Variants in NXN observed in about 807,000 individuals in gnomAD.
NXN encodes the protein nucleoredoxin.
Under a neutral mutation model 48.6 loss-of-function variants are expected in NXN, and 16 were observed. The ratio of observed to expected loss-of-function variants is 0.33; its 90% confidence interval spans 0.22 to 0.50. NXN has a LOEUF of 0.50. NXN is among the 20% of genes least tolerant of loss of function. NXN has a pLI of 0.98. For synonymous variants in NXN, 281 were observed against 269.6 expected (o/e 1.04, Z -0.41); for missense variants, 492 against 605.5 (o/e 0.81, Z 1.97).
chr17:923,075 C>G (rs1294666743), intron 1 of NXN, among the ~76,000 whole-genome samples: 1 of 152,124 alleles, frequency 6.6e-6, no homozygotes, highest in African/African-American at 2.4e-5. Flanking sequence ...TTCTCCCGGA[C>G]TCTGTCTCCT....
chr17:868,641 A>G (rs750382625), intron 1 of NXN, among the ~76,000 whole-genome samples: 21 of 152,142 alleles, frequency 1.4e-4, no homozygotes, highest in South Asian at 8.3e-4. Flanking sequence ...ACAGGCGCCC[A>G]CCACCACGCC....
At chr17:808,208 G>T (rs554116525) in intron 5 of NXN, among the ~76,000 whole-genome samples, 1 of 152,260 alleles carries the variant, frequency 6.6e-6, no homozygotes, top group Admixed American at 6.5e-5. Context: ...CTCTGCTCCT[G>T]GGGGAGAAGG....
At chr17:852,871 T>C (rs7209004) in intron 1 of NXN, among the ~76,000 whole-genome samples, 34,873 of 152,120 alleles carry the variant, frequency 0.23, 4,694 homozygotes, top group African/African-American at 0.37. Context: ...TTCCCCAGGA[T>C]GCCTATTTCC....
At chr17:815,254 TC>T (rs1912402511) in intron 5 of NXN, among the ~76,000 whole-genome samples, 1 of 151,700 alleles carries the variant, frequency 6.6e-6, no homozygotes, top group Admixed American at 6.6e-5. Context: ...CCACTCTAGA[TC>T]CCTAAGCTCT....
chr17:886,031 G>C (rs916225679), intron 1 of NXN, among the ~76,000 whole-genome samples: 1 of 151,926 alleles, frequency 6.6e-6, no homozygotes, highest in Non-Finnish European at 1.5e-5. Flanking sequence ...CTAACCAAAG[G>C]CTCCAAACGC....
intron 1 of NXN, among the ~76,000 whole-genome samples, chr17:833,342 C>T (rs185289708): frequency 1.3e-5 from 2 of 152,262 alleles, no homozygotes; most frequent in East Asian, 3.9e-4. Flanking sequence ...GCACGGGAGT[C>T]ACCATTCCGA....
intron 5 of NXN, among the ~76,000 whole-genome samples, chr17:812,773 G>GGT (rs763182163): frequency 6.9e-6 from 1 of 145,550 alleles, no homozygotes; most frequent in Non-Finnish European, 1.5e-5. Context: ...TGTGAGTGTA[G>GGT]GTGTGTGCAT....
chr17:811,407 G>A (rs1911995761), intron 5 of NXN, among the ~76,000 whole-genome samples: 1 of 152,162 alleles, frequency 6.6e-6, no homozygotes, highest in Non-Finnish European at 1.5e-5. Context: ...TGCTAACGGG[G>A]TCTGTCTTCT....
intron 1 of NXN, among the ~76,000 whole-genome samples, chr17:910,453 A>T (rs2068625488): frequency 6.6e-6 from 1 of 152,074 alleles, no homozygotes; most frequent in Non-Finnish European, 1.5e-5. Context: ...TGGCATAGAC[A>T]GACAAAGTGT....
intron 5 of NXN, among the ~76,000 whole-genome samples, chr17:818,754 G>GGCA: frequency 6.6e-6 from 1 of 151,942 alleles, no homozygotes; most frequent in Non-Finnish European, 1.5e-5. Context: ...GGCGTGTGGT[G>GGCA]GGCGCCTGTA....
chr17:812,720 AG>A (rs1912169010), intron 5 of NXN, among the ~76,000 whole-genome samples: 4 of 132,742 alleles, frequency 3.0e-5, no homozygotes, highest in African/African-American at 8.7e-5. Flanking sequence ...ATGTGAGTGT[AG>A]GGTGTGTGAG....
intron 1 of NXN, among the ~76,000 whole-genome samples, chr17:967,505 C>T (rs1346852293): frequency 6.6e-6 from 1 of 152,180 alleles, no homozygotes; most frequent in Non-Finnish European, 1.5e-5. Flanking sequence ...ATATTCTACA[C>T]ACCTAGATAA....
At chr17:868,686 G>A (rs566104413) in intron 1 of NXN, among the ~76,000 whole-genome samples, 2 of 152,166 alleles carry the variant, frequency 1.3e-5, no homozygotes, top group Non-Finnish European at 2.9e-5. Context: ...TAGAGACGGG[G>A]TTTCACCACG....
chr17:977,375 G>T (rs780577373), intron 1 of NXN, among the ~76,000 whole-genome samples: 1 of 152,176 alleles, frequency 6.6e-6, no homozygotes. Context: ...TGTCATCCAG[G>T]TTCTCATCAT....
chr17:852,516 T>G (rs1196976565), intron 1 of NXN, among the ~76,000 whole-genome samples: 1 of 152,182 alleles, frequency 6.6e-6, no homozygotes, highest in East Asian at 1.9e-4. Flanking sequence ...CCAGAAAATT[T>G]CAGGGGAGGG....
chr17:839,117 G>GT (rs1226074285), intron 1 of NXN, among the ~76,000 whole-genome samples: 1 of 152,184 alleles, frequency 6.6e-6, no homozygotes, highest in Non-Finnish European at 1.5e-5. Flanking sequence ...TGCACGTGCG[G>GT]TGCTGACAAC....
At chr17:925,902 A>G (rs2068793238) in intron 1 of NXN, among the ~76,000 whole-genome samples, 1 of 152,152 alleles carries the variant, frequency 6.6e-6, no homozygotes, top group Admixed American at 6.5e-5. Context: ...AGTTTATCCA[A>G]AACTCCCTTT....
At chr17:969,283 G>A (rs1231074996) in intron 1 of NXN, among the ~76,000 whole-genome samples, 2 of 152,150 alleles carry the variant, frequency 1.3e-5, no homozygotes, top group East Asian at 3.9e-4. Context: ...GGAAACTAGA[G>A]ACACAGAAAT....
rs577136697 is a variant in NXN, at chr17:917,202, C to T, written c.360+62117G>A. ...TGTAGCCCAGGCTGGAGTGCAATGGCGCGACCTCGGCTCGCCGTGGCCTCC... is the reference window on the plus strand; with the variant it reads ...TGTAGCCCAGGCTGGAGTGCAATGGTGCGACCTCGGCTCGCCGTGGCCTCC... On this transcript the variant is annotated intron_variant, in intron 1 of 7. Coordinates refer to ENST00000336868, the MANE Select transcript of NXN (RefSeq NM_022463.5). This position sits in a 1 kb window ranked among gnomAD's most constrained non-coding sequence, Gnocchi z 4.5. Among the ~76,000 whole-genome samples, 14 of 151,642 alleles carry T rather than the reference C, an allele frequency of 9.2e-5. No individual in the cohort carries two copies. Among genetic ancestry groups the T allele is most frequent in the East Asian group, 3.9e-4 (2 of 5,130 alleles).
Sources: gnomAD v4.1 joint callset for allele counts (sites outside exome capture counted in the v4.1 genomes callset) on GRCh38, gnomAD v4.1.1 for gene constraint, Gnocchi (gnomAD v3.1) non-coding constraint, MANE v1.5 for transcripts, NCBI Gene and HGNC (gene_info 2026-07-23, HGNC 2026-07-21) for gene names.